ALPK2: variants seen among roughly 807,000 people sequenced by gnomAD.
ALPK2 encodes alpha kinase 2, also known as alpha-protein kinase 2.
In ALPK2, 127 loss-of-function variants were observed where a neutral mutation model predicts 163.1. The ratio of observed to expected loss-of-function variants is 0.78; its 90% CI spans 0.67 to 0.90. ALPK2 has a LOEUF of 0.90. Among genes scored for constraint, ALPK2 ranks in the 40% least tolerant of loss-of-function variants. ALPK2 has a pLI of 0.00. For missense variants in ALPK2, 2,360 were observed against 2,589.6 expected, an observed-to-expected ratio of 0.91 and a Z score of 1.92; for synonymous variants, 953 against 959.1, an observed-to-expected ratio of 0.99 and a Z score of 0.12.
intron 4 of ALPK2, among the ~76,000 whole-genome samples, chr18:58,540,149 G>A (rs1306300173): frequency 6.6e-6 from 1 of 152,216 alleles, no homozygotes; most frequent in African/African-American, 2.4e-5. Context: ...GCCTGTTATA[G>A]CGATTAGCAT....
chr18:58,487,870 A>G (rs2051347974), intron 12 of ALPK2, among the ~76,000 whole-genome samples: 1 of 118,174 alleles, frequency 8.5e-6, no homozygotes, highest in Non-Finnish European at 1.9e-5. Context: ...AAACAAAAAC[A>G]AAAACAAAAA....
chr18:58,489,040 G>A (rs936712332), intron 12 of ALPK2, among the ~76,000 whole-genome samples: 3 of 152,110 alleles, frequency 2.0e-5, no homozygotes, highest in Admixed American at 1.3e-4. Flanking sequence ...TCCCAAAAGC[G>A]GCCATCTTGG....
At position 58,520,428 on chromosome 18, in the gene ALPK2, CAAAAAAAAAAAAAAAAA is replaced by C. The variant is rs61028795; in HGVS notation, c.5666-3263_5666-3247del. ...TGGGTGACAGAATGAGACTCCGTCT[CAAAAAAAAAAAAAAAAA>C]AAAAAAAAAGAATCAGGAGAGACTC... On this transcript the variant is annotated intron_variant, in intron 8 of 12. Coordinates refer to ENST00000361673, the MANE Select transcript of ALPK2 (RefSeq NM_052947.4). Among the ~76,000 whole-genome samples, 12 of 64,392 alleles carry C rather than the reference CAAAAAAAAAAAAAAAAA, an allele frequency of 1.9e-4. No homozygotes were observed. In the East Asian group the frequency reaches 6.3e-3, roughly 34 times the overall value. The allele number at this position is 64,392 out of a possible 152,430, so 42.2% of individuals were successfully genotyped here.
intron 4 of ALPK2, among the ~76,000 whole-genome samples, chr18:58,549,072 T>C (rs144159345): frequency 3.3e-5 from 5 of 152,324 alleles, no homozygotes; most frequent in Admixed American, 1.3e-4. Flanking sequence ...CCTGGTTTGT[T>C]GGGGTCTTTT....
Position 58,483,919 on chromosome 18 carries a change from C to A in ALPK2, c.6297-1880G>T, listed in dbSNP as rs192343750. Among the ~76,000 whole-genome samples the A allele has an allele frequency of 2.0e-5, 3 of 152,148 alleles. No homozygotes were observed. In the East Asian group the frequency reaches 5.8e-4, roughly 29 times the overall value. On this transcript the variant is annotated intron_variant, in intron 12 of 12. Coordinates refer to ENST00000361673, the MANE Select transcript of ALPK2 (RefSeq NM_052947.4). ...GACCTTTCCAACCAAGTCACATCCC[C>A]CTGTCATAGACTCTCCTGGACTGTG... is the stretch of plus-strand genomic sequence containing the variant.
chr18:58,537,149 A>G lies in ALPK2; in HGVS notation c.3038T>C (p.Ile1013Thr), dbSNP rs367882404. The change falls in exon 5 of 13, where the codon ATT becomes ACT. Residue 1013 changes from isoleucine (I) to threonine (T), a missense_variant. By Grantham distance (89) the Ile-to-Thr change is moderately conservative. Transcript: ENST00000361673. ...RETEDTSTVT[I>T]ATEVHPAKYL... is the part of the protein sequence containing the mutation. The stretch of plus-strand genomic sequence containing the variant: ...TTTGGCTGGGTGGACTTCGGTGGCA[A>G]TGGTAACAGTTGATGTGTCCTCAGT... The G allele has an allele frequency of 3.6e-5, 57 of 1,590,766 alleles. No homozygotes were observed. In the African/African-American group the frequency reaches 5.4e-4, roughly 15 times the overall value.
intron 12 of ALPK2, among the ~76,000 whole-genome samples, chr18:58,497,477 G>A (rs1206445137): frequency 6.6e-6 from 1 of 152,158 alleles, no homozygotes; most frequent in Non-Finnish European, 1.5e-5. Flanking sequence ...CATCATCTGT[G>A]TGTGCCTCAC....
chr18:58,572,822 G>A (rs1417333100), intron 4 of ALPK2, among the ~76,000 whole-genome samples: 1 of 152,174 alleles, frequency 6.6e-6, no homozygotes, highest in Non-Finnish European at 1.5e-5. Context: ...AGGAACCTAC[G>A]TAGGTGATAA....
At chr18:58,531,943 A>AAAG (rs1376637832) in intron 5 of ALPK2, among the ~76,000 whole-genome samples, 1 of 138,614 alleles carries the variant, frequency 7.2e-6, no homozygotes, top group Non-Finnish European at 1.6e-5. Context: ...CTCAAAAAAA[A>AAAG]AAAAAAAAAA....
At position 58,537,839 on chromosome 18, in the gene ALPK2, T is replaced by A; in HGVS notation, c.2348A>T (p.Asp783Val). The change falls in exon 5 of 13, where the codon GAT becomes GTT. Residue 783 changes from aspartate (D) to valine (V), a missense_variant. By Grantham distance (152) the Asp-to-Val change is radical. Transcript: ENST00000361673. ...AVSVASPEPT[D>V]TALTLENVCD... ...CACATTTTCCAGGGTGAGGGCAGTATCTGTGGGTTCAGGGGAAGCAACAGA... is the reference window on the plus strand; with the variant it reads ...CACATTTTCCAGGGTGAGGGCAGTAACTGTGGGTTCAGGGGAAGCAACAGA... The A allele has an allele frequency of 1.2e-6, 2 of 1,614,166 alleles. No homozygotes were observed. The highest frequency in any genetic ancestry group is 1.7e-6 in the Non-Finnish European group (2 of 1,180,028).
At chr18:58,498,680 C>T (rs1471422468) in intron 11 of ALPK2, among the ~76,000 whole-genome samples, 1 of 152,124 alleles carries the variant, frequency 6.6e-6, no homozygotes, top group African/African-American at 2.4e-5. Flanking sequence ...GCAGTTTCCC[C>T]CATACTGTTC....
intron 3 of ALPK2, among the ~76,000 whole-genome samples, chr18:58,607,072 A>AC (rs2052101894): frequency 6.6e-6 from 1 of 152,246 alleles, no homozygotes; most frequent in South Asian, 2.1e-4. Context: ...TGGCTGGATC[A>AC]CCTTGAACAA....
chr18:58,537,679 G>A lies in ALPK2; in HGVS notation c.2508C>T (p.Cys836=). 6.2e-7 allele frequency: 1 copy of A among 1,614,046 alleles called. No homozygotes were observed. The highest frequency in any genetic ancestry group is 8.5e-7 in the Non-Finnish European group (1 of 1,179,932). The change falls in exon 5 of 13, where the codon TGC becomes TGT. Residue 836 remains cysteine, a synonymous_variant. Coordinates refer to ENST00000361673, the MANE Select transcript of ALPK2 (RefSeq NM_052947.4). ...PVDKYSPQEI[C]SVDTELAEGQ... is the part of the protein sequence containing the mutation. ...CTTCTGCCAGTTCCGTATCTACAGAGCAAATTTCTTGAGGCGAATATTTAT... is the reference window on the plus strand; with the variant it reads ...CTTCTGCCAGTTCCGTATCTACAGAACAAATTTCTTGAGGCGAATATTTAT...
chr18:58,496,195 C>T (rs141764586), intron 12 of ALPK2, among the ~76,000 whole-genome samples: 3 of 152,252 alleles, frequency 2.0e-5, no homozygotes, highest in African/African-American at 7.2e-5. Context: ...TGCCAAGAAG[C>T]GAGGCTACTA....
chr18:58,527,582 G>C (rs1029225033), intron 6 of ALPK2, among the ~76,000 whole-genome samples: 1 of 152,226 alleles, frequency 6.6e-6, no homozygotes. Context: ...TCAGAGCAAG[G>C]CTGATGAATG....
intron 4 of ALPK2, among the ~76,000 whole-genome samples, chr18:58,574,486 C>T (rs2051908876): frequency 6.6e-6 from 1 of 150,908 alleles, no homozygotes; most frequent in African/African-American, 2.4e-5. Flanking sequence ...GAACAGGGGT[C>T]CCCAACCCCC....
chr18:58,528,484 C>A (rs1182143327), intron 6 of ALPK2, among the ~76,000 whole-genome samples: 1 of 152,060 alleles, frequency 6.6e-6, no homozygotes, highest in African/African-American at 2.4e-5. Flanking sequence ...TGCAGTGAGC[C>A]GTGATTGCAC....
intron 4 of ALPK2, among the ~76,000 whole-genome samples, chr18:58,571,975 CAAAAAAAAAAAAAAA>C (rs35927788): frequency 4.5e-5 from 3 of 66,640 alleles, no homozygotes; most frequent in Non-Finnish European, 7.9e-5. Context: ...GACTCCATCT[CAAAAAAAAAAAAAAA>C]AAAAAAAAGG....
chr18:58,533,894 G>A lies in ALPK2; in HGVS notation c.5353+940C>T, dbSNP rs59170370. Among the ~76,000 whole-genome samples, 53 of 152,162 alleles carry A rather than the reference G, an allele frequency of 3.5e-4. 1 individual carries two copies. The East Asian group carries it at 8.3e-3, about 24-fold the overall frequency. ...ATTTGATGGGATGGGAATAACAAAC[G>A]CCAGCCTCAAAATCTAAGGACTCAG... On this transcript the variant is annotated intron_variant, in intron 5 of 12. Transcript: ENST00000361673.
Sources: allele counts gnomAD v4.1 joint callset (sites outside exome capture counted in the v4.1 genomes callset), GRCh38; gene constraint gnomAD v4.1.1; transcripts MANE v1.5; gene names NCBI Gene and HGNC (gene_info 2026-07-23, HGNC 2026-07-21).